The following CHMP3 variants were observed in gnomAD, a reference collection of about 807,000 sequenced individuals.
CHMP3 encodes the protein charged multivesicular body protein 3, also known as 25.1 protein.
A neutral mutation model predicts 27.4 loss-of-function variants in CHMP3; 8 were observed. The observed-to-expected ratio is 0.29, with a 90% CI of 0.17 to 0.53. CHMP3 has a LOEUF of 0.53. Ranked by LOEUF, CHMP3 falls within the 20% of genes least tolerant of loss-of-function variation. The pLI, the probability that CHMP3 is intolerant of heterozygous loss-of-function variation, is 0.96. For missense variants in CHMP3, 208 were observed against 271.5 expected (o/e 0.77, Z 1.64); for synonymous variants, 86 against 85.5 (o/e 1.01, Z -0.03).
At chr2:86,563,241 T>G (rs1677463223) in intron 1 of CHMP3, 63 bp downstream of exon 1, 5 of 1,586,772 alleles carry the variant, frequency 3.2e-6, no homozygotes, top group Non-Finnish European at 4.3e-6. Flanking sequence ...GTCCTGTCAT[T>G]TACCAACTTC....
At chr2:86,508,462 C>T (rs1228820152) in intron 4 of CHMP3, among the ~76,000 whole-genome samples, 1 of 152,172 alleles carries the variant, frequency 6.6e-6, no homozygotes, top group Non-Finnish European at 1.5e-5. Context: ...TGCTGACATC[C>T]CTGGGCAGAA....
Position 86,505,150 on chromosome 2 carries a change from GAC to G in CHMP3, c.*652_*653del, listed in dbSNP as rs1338282129. 6.6e-6 allele frequency: 1 copy of G among 152,514 alleles called. No homozygotes were observed. The highest frequency in any genetic ancestry group is 2.4e-5 in the African/African-American group (1 of 41,406). 9.4% of individuals were successfully genotyped at this position (152,514 alleles called of 1,614,324 possible). A position where few individuals can be genotyped will look rare whatever the true frequency, so the allele number is the denominator to read the frequency against. ...GTGCAACTTGCAATGGGAAGGAAGG[GAC>G]AGAAGCTCTAAATAGACCCACATGC... On this transcript the variant is annotated 3_prime_UTR_variant, in exon 6 of 6. Transcript: ENST00000263856.
At chr2:86,526,089 T>C (rs1245425448) in intron 3 of CHMP3, among the ~76,000 whole-genome samples, 1 of 152,232 alleles carries the variant, frequency 6.6e-6, no homozygotes, top group South Asian at 2.1e-4. Context: ...ACAGTATATA[T>C]GAAATGAACA....
intron 3 of CHMP3, chr2:86,512,117 G>C (rs569050265): frequency 7.9e-5 from 12 of 152,294 alleles, no homozygotes; most frequent in African/African-American, 2.4e-4. Context: ...AGACAAAGGT[G>C]GTTGCTATGG....
intron 4 of CHMP3, among the ~76,000 whole-genome samples, chr2:86,509,139 G>C (rs1573234987): frequency 2.0e-5 from 3 of 152,154 alleles, no homozygotes; most frequent in Admixed American, 1.3e-4. Context: ...CTCCAAATCT[G>C]TATTACTCCC....
intron 2 of CHMP3, among the ~76,000 whole-genome samples, chr2:86,533,786 C>A (rs1429177987): frequency 2.0e-5 from 3 of 152,258 alleles, no homozygotes; most frequent in East Asian, 3.9e-4. Context: ...ATTAAGCCAC[C>A]ACACCTGGCC....
At chr2:86,539,513 T>C (rs1676278064) in intron 2 of CHMP3, among the ~76,000 whole-genome samples, 2 of 152,168 alleles carry the variant, frequency 1.3e-5, no homozygotes, top group South Asian at 4.1e-4. Flanking sequence ...ATGAAAGATA[T>C]TGGGCTTGAA....
At chr2:86,552,362 T>A (rs1676941269) in intron 1 of CHMP3, among the ~76,000 whole-genome samples, 2 of 152,178 alleles carry the variant, frequency 1.3e-5, no homozygotes, top group South Asian at 4.1e-4. Context: ...TATGTCAAGG[T>A]AACCAAATAG....
At chr2:86,527,996 G>C (rs1036700361) in intron 3 of CHMP3, among the ~76,000 whole-genome samples, 5 of 151,934 alleles carry the variant, frequency 3.3e-5, no homozygotes, top group Non-Finnish European at 7.4e-5. Context: ...AGATAATCTT[G>C]ATAGATTTTT....
intron 2 of CHMP3, among the ~76,000 whole-genome samples, chr2:86,538,036 G>A (rs1676217613): frequency 6.6e-6 from 1 of 152,130 alleles, no homozygotes; most frequent in Non-Finnish European, 1.5e-5. Context: ...ATCAGCAGAT[G>A]AGTATATAAA....
intron 4 of CHMP3, 93 bp downstream of exon 4, chr2:86,510,265 T>G: frequency 6.6e-7 from 1 of 1,524,686 alleles, no homozygotes; most frequent in East Asian, 2.4e-5. Context: ...GTGTAGTCTG[T>G]TCATCCCCAC....
intron 3 of CHMP3, among the ~76,000 whole-genome samples, chr2:86,528,543 C>A (rs1573262586): frequency 6.6e-6 from 1 of 152,282 alleles, no homozygotes; most frequent in South Asian, 2.1e-4. Flanking sequence ...AAATATCTGA[C>A]AGTCACTTGC....
intron 1 of CHMP3, chr2:86,562,211 G>C (rs1040397971): frequency 2.6e-5 from 4 of 152,198 alleles, no homozygotes; most frequent in African/African-American, 4.8e-5. Flanking sequence ...AGATGCATAA[G>C]ATTAGTTTTT....
chr2:86,511,481 A>G (rs1675104797), intron 3 of CHMP3: 1 of 152,128 alleles, frequency 6.6e-6, no homozygotes, highest in Admixed American at 6.5e-5. Context: ...TGAGGCTGAA[A>G]TAAGCAATAA....
intron 5 of CHMP3, among the ~76,000 whole-genome samples, 178 bp from the exon 6 acceptor site, chr2:86,506,127 AC>A (rs1247306658): frequency 6.6e-6 from 1 of 152,358 alleles, no homozygotes; most frequent in African/African-American, 2.4e-5. Context: ...CTGTAATGAT[AC>A]CAAAGTCATA....
rs761881105 is a variant in CHMP3, at chr2:86,529,202, G to T, written c.286+16C>A. ...CCCGGCATTATGAGGTGACTGTAAG[G>T]TAAGTGCAGCCTTACCGAGCTGGTT... On this transcript the variant is annotated intron_variant, in intron 3 of 5. Coordinates refer to ENST00000263856, the MANE Select transcript of CHMP3 (RefSeq NM_016079.4). The T allele has an allele frequency of 6.3e-7, 1 of 1,582,850 alleles. No homozygotes were observed. Among genetic ancestry groups the T allele is most frequent in the African/African-American group, 1.4e-5 (1 of 73,448 alleles).
At chr2:86,510,519 T>A (rs542581252) in intron 3 of CHMP3, 40 bp from the exon 4 acceptor site, 1 of 1,601,308 alleles carries the variant, frequency 6.2e-7, no homozygotes, top group Non-Finnish European at 8.5e-7. Context: ...TTCAACAGGA[T>A]GGAATAGAGA....
At chr2:86,534,599 G>T (rs1189690247) in intron 2 of CHMP3, among the ~76,000 whole-genome samples, 1 of 152,082 alleles carries the variant, frequency 6.6e-6, no homozygotes, top group Non-Finnish European at 1.5e-5. Context: ...AACTATTTCT[G>T]TCTTCAATTC....
At chr2:86,513,918 C>T (rs1033449927) in intron 3 of CHMP3, among the ~76,000 whole-genome samples, 2 of 152,242 alleles carry the variant, frequency 1.3e-5, no homozygotes, top group Admixed American at 1.3e-4. Context: ...TGAACCCCAG[C>T]TCCGCCATTT....
Sources: allele counts gnomAD v4.1 joint callset (sites outside exome capture counted in the v4.1 genomes callset), GRCh38; gene constraint gnomAD v4.1.1; transcripts MANE v1.5; gene names NCBI Gene and HGNC (gene_info 2026-07-23, HGNC 2026-07-21).